The following PDE1C variants were observed in gnomAD, a reference collection of about 807,000 sequenced individuals.
PDE1C encodes phosphodiesterase 1C, also known as dual specificity calcium/calmodulin-dependent 3',5'-cyclic nucleotide phosphodiesterase 1C.
In PDE1C, 62 loss-of-function variants were observed where a neutral mutation model predicts 93.1. That is an observed-to-expected ratio of 0.67 (90% CI 0.54 to 0.82). PDE1C has a LOEUF of 0.82. Ranked by LOEUF, PDE1C falls within the 40% of genes least tolerant of loss-of-function variation. The probability of loss-of-function intolerance (pLI) is 0.00; values close to 1 mark genes in which losing one functional copy is unlikely to be tolerated. For synonymous variants in PDE1C, 325 were observed against 310.1 expected (o/e 1.05, Z -0.50); for missense variants, 742 against 884.6 (o/e 0.84, Z 2.04).
intron 2 of PDE1C, among the ~76,000 whole-genome samples, chr7:32,002,476 G>GGCAAGCT (rs1417229575): frequency 1.3e-5 from 2 of 152,184 alleles, no homozygotes; most frequent in African/African-American, 4.8e-5. Context: ...CTGTGAAAAT[G>GGCAAGCT]GGGTGATCCA....
In PDE1C at chr7:32,188,699, C is replaced by A. The variant is rs930049229; in HGVS notation, c.137-18743G>T. 5.3e-5 allele frequency among the ~76,000 whole-genome samples: 8 copies of A among 152,118 alleles called. 1 individual carries two copies. The highest frequency in any genetic ancestry group is 1.0e-4 in the Non-Finnish European group (7 of 67,948). ...TGGGCTTCTATATTCAGAAGCCTAC[C>A]TTTCTTCTAAGTCTTTAGGATGGTA... On this transcript the variant is annotated intron_variant, in intron 2 of 18. Transcript: ENST00000396193.
the PDE1C span, chr7:31,707,402 C>T: frequency 1.3e-6 from 1 of 786,814 alleles, no homozygotes; most frequent in Admixed American, 2.9e-5. Flanking sequence ...AAGATTCAGA[C>T]ACCTTCTCCC....
At chr7:32,184,097 G>A (rs986991216) in intron 2 of PDE1C, among the ~76,000 whole-genome samples, 1 of 152,196 alleles carries the variant, frequency 6.6e-6, no homozygotes, top group Admixed American at 6.5e-5. Flanking sequence ...ACTACAATGA[G>A]ATACCATCTC....
chr7:31,744,060 G>A, the PDE1C span, among the ~76,000 whole-genome samples: 5 of 152,108 alleles, frequency 3.3e-5, no homozygotes, highest in Admixed American at 2.0e-4. Flanking sequence ...TGGAAGTTGG[G>A]TCAGCATTAG....
At chr7:31,928,231 G>A (rs1401324392) in intron 2 of PDE1C, among the ~76,000 whole-genome samples, 3 of 151,950 alleles carry the variant, frequency 2.0e-5, no homozygotes, top group Non-Finnish European at 2.9e-5. Flanking sequence ...GTGAAGACAA[G>A]ATTAGAGAAA....
intron 1 of PDE1C, among the ~76,000 whole-genome samples, chr7:32,383,298 A>G (rs948981376): frequency 6.6e-6 from 1 of 152,214 alleles, no homozygotes; most frequent in Non-Finnish European, 1.5e-5. Flanking sequence ...TGCTGTATAC[A>G]AGGTAGAAAA....
chr7:32,050,742 C>T (rs1793241744), intron 2 of PDE1C, among the ~76,000 whole-genome samples: 1 of 152,154 alleles, frequency 6.6e-6, no homozygotes, highest in African/African-American at 2.4e-5. Context: ...ATAGTCACAA[C>T]CTGTATGCAT....
intron 3 of PDE1C, among the ~76,000 whole-genome samples, chr7:32,151,228 C>A (rs972166608): frequency 6.6e-6 from 1 of 152,090 alleles, no homozygotes; most frequent in Non-Finnish European, 1.5e-5. Flanking sequence ...CCAGCCCCAC[C>A]CCCACAAACA....
At chr7:32,359,945 C>T (rs1784104065) in intron 1 of PDE1C, among the ~76,000 whole-genome samples, 1 of 152,216 alleles carries the variant, frequency 6.6e-6, no homozygotes, top group African/African-American at 2.4e-5. Flanking sequence ...ATCCATTCCT[C>T]CATTGACTCC....
intron 1 of PDE1C, among the ~76,000 whole-genome samples, chr7:32,333,380 C>T (rs959010062): frequency 3.9e-5 from 6 of 152,132 alleles, no homozygotes; most frequent in African/African-American, 1.4e-4. Flanking sequence ...TATGTACACA[C>T]CCATGAGCCC....
chr7:32,087,672 T>TA (rs1404233998), intron 3 of PDE1C, among the ~76,000 whole-genome samples: 1 of 151,996 alleles, frequency 6.6e-6, no homozygotes, highest in Non-Finnish European at 1.5e-5. Flanking sequence ...TATGCAGCCA[T>TA]AAAAAAGGAT....
In PDE1C at chr7:31,837,302, T is replaced by G; in HGVS notation, c.1083-2A>C. On this transcript the variant is annotated splice_acceptor_variant, in intron 10 of 17. Transcript: ENST00000396191. LOFTEE classifies it high-confidence loss of function. ...GATAAGGCTTTTGGCTTTTCAATGC[T>G]GTAAACCAAAAGCACCCAAACACAT... The G allele has an allele frequency of 6.2e-7, 1 of 1,604,210 alleles. No homozygotes were observed. The highest frequency in any genetic ancestry group is 8.5e-7 in the Non-Finnish European group (1 of 1,174,430).
intron 2 of PDE1C, among the ~76,000 whole-genome samples, chr7:32,039,907 A>G (rs949303452): frequency 3.3e-5 from 5 of 152,224 alleles, no homozygotes; most frequent in African/African-American, 1.2e-4. Flanking sequence ...GACTAGTAAA[A>G]TACAATAGCA....
At chr7:31,978,733 A>G (rs1358405284) in intron 2 of PDE1C, among the ~76,000 whole-genome samples, 1 of 152,102 alleles carries the variant, frequency 6.6e-6, no homozygotes, top group Non-Finnish European at 1.5e-5. Flanking sequence ...TTGGAACTCC[A>G]CTTTTCAACA....
intron 1 of PDE1C, among the ~76,000 whole-genome samples, chr7:32,407,841 C>T (rs1465722233): frequency 1.3e-5 from 2 of 152,142 alleles, no homozygotes; most frequent in African/African-American, 2.4e-5. Context: ...CAGGCCACCA[C>T]CAAGCCAACT....
At chr7:32,320,018 G>A (rs892255489) in intron 1 of PDE1C, among the ~76,000 whole-genome samples, 1 of 152,114 alleles carries the variant, frequency 6.6e-6, no homozygotes, top group Non-Finnish European at 1.5e-5. Flanking sequence ...CCCTGCCTAC[G>A]ACACAGCCAA....
At chr7:32,181,654 G>A (rs1165658895) in intron 2 of PDE1C, among the ~76,000 whole-genome samples, 1 of 152,006 alleles carries the variant, frequency 6.6e-6, no homozygotes, top group Non-Finnish European at 1.5e-5. Flanking sequence ...AAAGCAGTGT[G>A]TAGAGGGAAA....
chr7:32,155,687 T>G (rs1801524666), intron 3 of PDE1C, among the ~76,000 whole-genome samples: 1 of 152,220 alleles, frequency 6.6e-6, no homozygotes, highest in African/African-American at 2.4e-5. Context: ...CCAGACACCA[T>G]GCTCACCGCA....
At chr7:31,819,179 C>T (rs1176711305) in intron 14 of PDE1C, among the ~76,000 whole-genome samples, 1 of 152,072 alleles carries the variant, frequency 6.6e-6, no homozygotes, top group Middle Eastern at 3.2e-3. Context: ...ACTCAATTTC[C>T]ATCTCTTAGT....
Sources: gnomAD v4.1 joint callset for allele counts (sites outside exome capture counted in the v4.1 genomes callset) on GRCh38, gnomAD v4.1.1 for gene constraint, MANE v1.5 for transcripts, NCBI Gene and HGNC (gene_info 2026-07-23, HGNC 2026-07-21) for gene names.